MATN2: variants seen among roughly 807,000 people sequenced by gnomAD.
The protein encoded by MATN2 is matrilin-2.
In MATN2, 69 loss-of-function variants were observed where a neutral mutation model predicts 103.2. That is an observed-to-expected ratio of 0.67 (90% confidence interval 0.55 to 0.82). MATN2 has a LOEUF of 0.82. Ranked by LOEUF, MATN2 falls within the 40% of genes least tolerant of loss-of-function variation. MATN2 has a pLI of 0.00. For synonymous variants in MATN2, 429 were observed against 450.2 expected (o/e 0.95, Z 0.60); for missense variants, 1,023 against 1,211.5 (o/e 0.84, Z 2.31).
At chr8:97,973,934 A>C (rs540396091) in intron 5 of MATN2, among the ~76,000 whole-genome samples, 5 of 152,210 alleles carry the variant, frequency 3.3e-5, no homozygotes, top group Non-Finnish European at 7.3e-5. Flanking sequence ...CAAGGATTTC[A>C]AGACATCTGT....
intron 7 of MATN2, among the ~76,000 whole-genome samples, chr8:98,000,432 A>T (rs1488044543): frequency 1.3e-5 from 2 of 151,564 alleles, no homozygotes; most frequent in Non-Finnish European, 2.9e-5. Flanking sequence ...CCCCGTCTCT[A>T]CTAAATATAT....
chr8:98,018,647 G>A (rs949543966), intron 12 of MATN2, among the ~76,000 whole-genome samples: 11 of 152,084 alleles, frequency 7.2e-5, no homozygotes, highest in Admixed American at 2.6e-4. Flanking sequence ...AGAAGGTGAC[G>A]GGCACATCTC....
chr8:98,014,118 A>G (rs1563726614), intron 10 of MATN2, among the ~76,000 whole-genome samples: 1 of 152,080 alleles, frequency 6.6e-6, no homozygotes, highest in Non-Finnish European at 1.5e-5. Flanking sequence ...AAAAAAAAGA[A>G]AAAAAAGAGC....
At chr8:98,002,047 C>T (rs1403632641) in intron 7 of MATN2, among the ~76,000 whole-genome samples, 1 of 152,152 alleles carries the variant, frequency 6.6e-6, no homozygotes, top group Non-Finnish European at 1.5e-5. Flanking sequence ...CCAATGAGGT[C>T]GGTGGTGACC....
chr8:97,872,343 T>C (rs1817922520), intron 1 of MATN2, among the ~76,000 whole-genome samples: 1 of 152,246 alleles, frequency 6.6e-6, no homozygotes, highest in South Asian at 2.1e-4. Flanking sequence ...CTAAAAGTAC[T>C]GTCAGAGGAA....
intron 7 of MATN2, among the ~76,000 whole-genome samples, chr8:98,001,948 G>A (rs905701035): frequency 6.6e-6 from 1 of 152,156 alleles, no homozygotes; most frequent in South Asian, 2.1e-4. Context: ...GGGGGTCATG[G>A]GGTAATGGTT....
chr8:97,895,971 C>A (rs1818794201), intron 2 of MATN2, among the ~76,000 whole-genome samples: 1 of 152,126 alleles, frequency 6.6e-6, no homozygotes, highest in South Asian at 2.1e-4. Flanking sequence ...GAAAGACACG[C>A]GTACTCTTGA....
intron 4 of MATN2, among the ~76,000 whole-genome samples, chr8:97,958,271 T>G (rs769142335): frequency 6.6e-6 from 1 of 152,216 alleles, no homozygotes; most frequent in African/African-American, 2.4e-5. Flanking sequence ...AGACCCCTGA[T>G]GGGGCAAGGC....
Position 97,931,051 on chromosome 8 carries a change from G to T in MATN2, c.241G>T (p.Val81Leu), listed in dbSNP as rs368734164. The stretch of plus-strand genomic sequence containing the variant: ...CTATGCAAAGGTCAAGGAGTTCATC[G>T]TGGACATCTTGCAATTCTTGGACAT... Reference protein sequence around the residue: ...HDYAKVKEFIVDILQFLDIGP... With the variant: ...HDYAKVKEFILDILQFLDIGP... The change falls in exon 3 of 19, where the codon GTG becomes TTG. Residue 81 changes from valine (V) to leucine (L), a missense_variant. Physicochemically the swap from Val to Leu is conservative, Grantham distance 32. Coordinates refer to ENST00000254898, the MANE Select transcript of MATN2 (RefSeq NM_002380.5). This position sits in a 1 kb window ranked among gnomAD's most constrained non-coding sequence, Gnocchi z 4.1. The T allele has an allele frequency of 6.2e-7, 1 of 1,614,010 alleles. No homozygotes were observed. The highest frequency in any genetic ancestry group is 8.5e-7 in the Non-Finnish European group (1 of 1,179,874).
chr8:97,967,800 G>A (rs1811533266), intron 5 of MATN2, among the ~76,000 whole-genome samples: 1 of 152,352 alleles, frequency 6.6e-6, no homozygotes, highest in Admixed American at 6.5e-5. Flanking sequence ...CAGGTCTGGA[G>A]GGTGGTGGCC....
At chr8:98,025,427 G>C (rs539282855) in intron 13 of MATN2, 1 of 191,612 alleles carries the variant, frequency 5.2e-6, no homozygotes, top group East Asian at 1.8e-4. Context: ...AAAACAGAAT[G>C]TTTATCACAG....
At chr8:97,924,897 A>G (rs1020655) in intron 2 of MATN2, among the ~76,000 whole-genome samples, 101,638 of 151,904 alleles carry the variant, frequency 0.67, 34,526 homozygotes, top group East Asian at 0.92. Flanking sequence ...CATATTCATC[A>G]TGAGTATAGC....
intron 2 of MATN2, among the ~76,000 whole-genome samples, chr8:97,913,356 C>T (rs1809514064): frequency 6.7e-6 from 1 of 150,210 alleles, no homozygotes. Context: ...GCTTTGTTGC[C>T]TAGGTTGGAG....
At chr8:97,899,341 G>A (rs1015227529) in intron 2 of MATN2, among the ~76,000 whole-genome samples, 19 of 152,068 alleles carry the variant, frequency 1.2e-4, no homozygotes, top group African/African-American at 3.9e-4. Flanking sequence ...TAAATTAACG[G>A]ACTCTTCCTC....
At chr8:97,919,960 T>C (rs539891484) in intron 2 of MATN2, among the ~76,000 whole-genome samples, 24 of 152,226 alleles carry the variant, frequency 1.6e-4, no homozygotes, top group Admixed American at 2.0e-4. Context: ...AGTCTTAAGC[T>C]GAACAGGGAG....
chr8:97,967,440 T>TAAA (rs879500651), intron 5 of MATN2, among the ~76,000 whole-genome samples: 1 of 143,294 alleles, frequency 7.0e-6, no homozygotes, highest in Non-Finnish European at 1.5e-5. Flanking sequence ...CTGTGAGATT[T>TAAA]AAAAAAAAAA....
chr8:97,906,742 T>A (rs1819182195), intron 2 of MATN2, among the ~76,000 whole-genome samples: 1 of 152,212 alleles, frequency 6.6e-6, no homozygotes, highest in South Asian at 2.1e-4. Context: ...GGGGGACACT[T>A]ACGGGGACAT....
chr8:97,988,174 A>AT (rs1245235778), intron 6 of MATN2, among the ~76,000 whole-genome samples: 6 of 92,922 alleles, frequency 6.5e-5, no homozygotes, highest in African/African-American at 2.5e-4. Flanking sequence ...AAAAAAAAAT[A>AT]TATATATATA....
At chr8:97,883,820 C>T (rs189945906) in intron 1 of MATN2, among the ~76,000 whole-genome samples, 1 of 152,238 alleles carries the variant, frequency 6.6e-6, no homozygotes, top group East Asian at 1.9e-4. Flanking sequence ...TCCCAAAGTG[C>T]TGGGATTACA....
Sources: allele counts gnomAD v4.1 joint callset (sites outside exome capture counted in the v4.1 genomes callset), GRCh38; gene constraint gnomAD v4.1.1; non-coding constraint Gnocchi (gnomAD v3.1); transcripts MANE v1.5; gene names NCBI Gene and HGNC (gene_info 2026-07-23, HGNC 2026-07-21).